The following AGMO variants were observed in gnomAD, a reference collection of about 807,000 sequenced individuals.
The protein encoded by AGMO is alkylglycerol monooxygenase, also known as glyceryl-ether monooxygenase.
In AGMO, 75 loss-of-function variants were observed where a neutral mutation model predicts 60.2. The ratio of observed to expected loss-of-function variants is 1.25; its 90% CI spans 1.03 to 1.51. The LOEUF (loss-of-function observed/expected upper bound fraction) is 1.51, where lower values mean the gene tolerates loss of function less well. AGMO is among the 40% of genes most tolerant of loss of function. The pLI, the probability that AGMO is intolerant of heterozygous loss-of-function variation, is 0.00. For missense variants in AGMO, 763 were observed against 525.5 expected (o/e 1.45, Z -4.42); for synonymous variants, 261 against 177.1 (o/e 1.47, Z -3.76).
chr7:15,393,601 C>T (rs1415290855), intron 6 of AGMO, among the ~76,000 whole-genome samples: 8 of 152,120 alleles, frequency 5.3e-5, no homozygotes, highest in Non-Finnish European at 1.2e-4. Context: ...TGTCTTTAAA[C>T]GTTAGGCACT....
chr7:15,268,276 A>T (rs1024249226), intron 12 of AGMO, among the ~76,000 whole-genome samples: 1 of 151,994 alleles, frequency 6.6e-6, no homozygotes, highest in African/African-American at 2.4e-5. Flanking sequence ...GAATACTCTA[A>T]GTTTTAAAAG....
intron 3 of AGMO, among the ~76,000 whole-genome samples, chr7:15,539,127 T>G: frequency 6.6e-6 from 1 of 151,988 alleles, no homozygotes; most frequent in East Asian, 1.9e-4. Flanking sequence ...ATTTTTATGA[T>G]TATTATTATT....
At chr7:15,315,946 G>C (rs1042773138) in intron 12 of AGMO, among the ~76,000 whole-genome samples, 1 of 152,002 alleles carries the variant, frequency 6.6e-6, no homozygotes, top group Non-Finnish European at 1.5e-5. Context: ...CTACTATTTT[G>C]ATTATCTAGG....
At chr7:15,137,512 G>A in the AGMO span, among the ~76,000 whole-genome samples, 7 of 152,168 alleles carry the variant, frequency 4.6e-5, no homozygotes, top group Non-Finnish European at 8.8e-5. Context: ...AAGTTTTAGG[G>A]GAAGGAGGGC....
chr7:15,371,407 C>G (rs1415052163), intron 10 of AGMO, among the ~76,000 whole-genome samples: 1 of 148,646 alleles, frequency 6.7e-6, no homozygotes, highest in African/African-American at 2.5e-5. Context: ...TTTTTTTCTT[C>G]GAGACAGAAT....
At chr7:15,287,426 C>T (rs1389285056) in intron 12 of AGMO, among the ~76,000 whole-genome samples, 1 of 152,082 alleles carries the variant, frequency 6.6e-6, no homozygotes, top group Non-Finnish European at 1.5e-5. Flanking sequence ...AAATAATTTA[C>T]CCTGTTCAAG....
At chr7:15,319,907 A>G (rs943978583) in intron 12 of AGMO, among the ~76,000 whole-genome samples, 4 of 152,182 alleles carry the variant, frequency 2.6e-5, no homozygotes, top group Admixed American at 6.6e-5. Context: ...TAGATAGTAT[A>G]AAACTAAAAA....
At chr7:15,487,670 T>A (rs955224689) in intron 3 of AGMO, among the ~76,000 whole-genome samples, 12 of 152,162 alleles carry the variant, frequency 7.9e-5, no homozygotes, top group African/African-American at 2.9e-4. Flanking sequence ...CTTATATGAT[T>A]TAAACATGTT....
chr7:15,512,458 G>C (rs1240488862), intron 3 of AGMO, among the ~76,000 whole-genome samples: 1 of 151,934 alleles, frequency 6.6e-6, no homozygotes, highest in Non-Finnish European at 1.5e-5. Flanking sequence ...TCATCCTGTT[G>C]CCCAGGCTGG....
At chr7:15,302,820 A>G (rs570686860) in intron 12 of AGMO, among the ~76,000 whole-genome samples, 11 of 152,288 alleles carry the variant, frequency 7.2e-5, no homozygotes, top group African/African-American at 2.4e-4. Context: ...GCAGTCAACT[A>G]GAGTTAAGCT....
chr7:15,544,577 A>T (rs1414547282), intron 3 of AGMO, among the ~76,000 whole-genome samples, 195 bp downstream of exon 3: 2 of 152,182 alleles, frequency 1.3e-5, no homozygotes, highest in Non-Finnish European at 2.9e-5. Flanking sequence ...CAATAATTTC[A>T]TATCATTTTT....
chr7:15,241,486 A>AAG (rs1782587340), intron 12 of AGMO, among the ~76,000 whole-genome samples: 11 of 146,924 alleles, frequency 7.5e-5, no homozygotes, highest in Admixed American at 3.5e-4. Flanking sequence ...AAAAAAAAAA[A>AAG]AAGACTAGGG....
intron 12 of AGMO, among the ~76,000 whole-genome samples, chr7:15,225,700 A>T (rs969709831): frequency 6.6e-6 from 1 of 151,964 alleles, no homozygotes; most frequent in Non-Finnish European, 1.5e-5. Flanking sequence ...GCAGAATAAA[A>T]ACTTAGCATA....
chr7:15,543,506 T>A (rs549052175), intron 3 of AGMO, among the ~76,000 whole-genome samples: 114 of 152,294 alleles, frequency 7.5e-4, no homozygotes, highest in Admixed American at 1.5e-3. Context: ...AGCGCCTAGC[T>A]GATTGCATTT....
intron 3 of AGMO, among the ~76,000 whole-genome samples, chr7:15,543,393 G>T (rs1305820616): frequency 1.3e-5 from 2 of 152,132 alleles, no homozygotes; most frequent in African/African-American, 2.4e-5. Context: ...GGGAAGTGCA[G>T]CCAAGAATCC....
chr7:15,205,324 C>T (rs1334993766), intron 12 of AGMO, among the ~76,000 whole-genome samples: 1 of 152,060 alleles, frequency 6.6e-6, no homozygotes, highest in South Asian at 2.1e-4. Context: ...AATAATTCAG[C>T]CTTCAGATAA....
intron 5 of AGMO, among the ~76,000 whole-genome samples, chr7:15,416,754 A>G (rs899155359): frequency 6.6e-6 from 1 of 152,228 alleles, no homozygotes; most frequent in Non-Finnish European, 1.5e-5. Context: ...AATTTACAGT[A>G]CAGGAAAACA....
At chr7:15,530,887 G>C (rs984593794) in intron 3 of AGMO, among the ~76,000 whole-genome samples, 30 of 137,620 alleles carry the variant, frequency 2.2e-4, no homozygotes, top group African/African-American at 7.4e-4. Context: ...CTGTATTCCA[G>C]ATGACTGGAA....
rs1782428050 is a variant in AGMO at position 15,354,472 on chromosome 7, A to G, written c.1263+11042T>C. 7.7e-5 allele frequency among the ~76,000 whole-genome samples: 2 copies of G among 26,064 alleles called. 1 individual carries two copies. The highest frequency in any genetic ancestry group is 9.2e-4 in the Admixed American group (2 of 2,184). The allele number at this position is 26,064 out of a possible 152,430, so 17.1% of individuals were successfully genotyped here. A position where few individuals can be genotyped will look rare whatever the true frequency, so the allele number is the denominator to read the frequency against. On this transcript the variant is annotated intron_variant, in intron 12 of 12. Transcript: ENST00000342526. ...TGTGTGTATACACACGTGTGTGTAT[A>G]CACACGTGTGTATATACACACGTGT...
Sources: allele counts gnomAD v4.1 joint callset (sites outside exome capture counted in the v4.1 genomes callset), GRCh38; gene constraint gnomAD v4.1.1; transcripts MANE v1.5; gene names NCBI Gene and HGNC (gene_info 2026-07-23, HGNC 2026-07-21).